Variants in ZFHX4 observed in about 807,000 individuals in gnomAD.
ZFHX4 encodes the protein zinc finger homeobox 4.
In ZFHX4, 56 loss-of-function variants were observed where a neutral mutation model predicts 267.6. The ratio of observed to expected loss-of-function variants is 0.21; its 90% CI spans 0.17 to 0.26. The LOEUF (loss-of-function observed/expected upper bound fraction) is 0.26, where lower values mean the gene tolerates loss of function less well. ZFHX4 is among the 10% of genes least tolerant of loss of function. The probability of loss-of-function intolerance (pLI) is 1.00; values close to 1 mark genes in which losing one functional copy is unlikely to be tolerated. For missense variants in ZFHX4, 4,332 were observed against 4,420.0 expected, an observed-to-expected ratio of 0.98 and a Z score of 0.56; for synonymous variants, 1,778 against 1,665.6, an observed-to-expected ratio of 1.07 and a Z score of -1.64.
At chr8:76,740,864 A>G (rs1809297430) in intron 3 of ZFHX4, among the ~76,000 whole-genome samples, 1 of 152,292 alleles carries the variant, frequency 6.6e-6, no homozygotes, top group African/African-American at 2.4e-5. Flanking sequence ...TTTGTAGCAC[A>G]TTTGTGTGTG....
chr8:76,849,046 A>G lies in ZFHX4; in HGVS notation c.3563A>G (p.Gln1188Arg). 1 of 1,564,982 alleles carries G rather than the reference A, an allele frequency of 6.4e-7. No homozygotes were observed. The highest frequency in any genetic ancestry group is 8.7e-7 in the Non-Finnish European group (1 of 1,154,198). The change falls in exon 7 of 11, where the codon CAG becomes CGG. Residue 1188 changes from glutamine to arginine, a missense_variant. Gln to Arg is a conservative substitution (Grantham distance 43, BLOSUM62 1). Transcript: ENST00000651372. ...AAAGTTAGTGTGGCAGGGGGTACCC[A>G]GCCACTCCTGCTGGCAAAAGAAGAG... ...ELKVSVAGGT[Q>R]PLLLAKEEDV...
intron 4 of ZFHX4, among the ~76,000 whole-genome samples, chr8:76,795,543 CTTTTT>C (rs1204209981): frequency 1.6e-5 from 2 of 125,332 alleles, no homozygotes; most frequent in African/African-American, 3.0e-5. Context: ...TGATCCAAGT[CTTTTT>C]TTTTTTTTTT....
chr8:76,791,497 T>C (rs1406610396), intron 4 of ZFHX4, among the ~76,000 whole-genome samples: 1 of 152,178 alleles, frequency 6.6e-6, no homozygotes, highest in African/African-American at 2.4e-5. Context: ...ATTAATATCA[T>C]ATTGGCATAC....
chr8:76,781,309 A>ATG (rs1310273473), intron 4 of ZFHX4, among the ~76,000 whole-genome samples: 2 of 152,086 alleles, frequency 1.3e-5, no homozygotes, highest in Non-Finnish European at 2.9e-5. Context: ...TATCTTTGTA[A>ATG]TGAGTACATT....
intron 1 of ZFHX4, among the ~76,000 whole-genome samples, chr8:76,696,153 G>T (rs1210175615): frequency 6.6e-6 from 1 of 152,150 alleles, no homozygotes; most frequent in Admixed American, 6.5e-5. Context: ...ATTGGGCCCA[G>T]ATAATTATTT....
chr8:76,755,436 A>G (rs978570855), intron 3 of ZFHX4, among the ~76,000 whole-genome samples: 1 of 152,148 alleles, frequency 6.6e-6, no homozygotes, highest in African/African-American at 2.4e-5. Flanking sequence ...CTTTTTGACT[A>G]TTAGTTAAGT....
Position 76,706,597 on chromosome 8 carries a change from G to C in ZFHX4, c.2509G>C (p.Glu837Gln), listed in dbSNP as rs771788395. The C allele has an allele frequency of 3.4e-5, 55 of 1,609,528 alleles. No homozygotes were observed. Among genetic ancestry groups the C allele is most frequent in the Non-Finnish European group, 4.6e-5 (54 of 1,178,244 alleles). ...QNIGLTGMKLENPADPQLMIN... is the reference protein window; with the variant it reads ...QNIGLTGMKLQNPADPQLMIN... ...CATAGGCCTGACCGGAATGAAGCTG[G>C]AAAACCCTGCCGACCCTCAGCTGAT... Residue 837 changes from glutamate (E) to glutamine (Q), a missense_variant, in exon 2 of 11, where the codon GAA becomes CAA. Physicochemically the swap from Glu to Gln is conservative, Grantham distance 29. Around this residue, in one of 7 missense-constraint regions of ZFHX4, gnomAD observed 1,195 missense variants for 1,173.6 expected, o/e 1.02. Coordinates refer to ENST00000651372, the MANE Select transcript of ZFHX4 (RefSeq NM_024721.5).
chr8:76,853,557 C>T lies in ZFHX4; in HGVS notation c.6636C>T (p.Pro2212=), dbSNP rs1688052418. Residue 2212 remains proline, a synonymous_variant, in exon 10 of 11, where the codon CCC becomes CCT. Transcript: ENST00000651372. The part of the protein sequence containing the change: ...VLEDIRIDPQ[P]TSLEHYKSDA... The stretch of plus-strand genomic sequence containing the variant: ...AAGATATCAGAATTGATCCACAGCC[C>T]ACCTCTTTAGAACATTACAAATCTG... 2 of 1,613,722 alleles carry T rather than the reference C, an allele frequency of 1.2e-6. No individual in the cohort carries two copies. The highest frequency in any genetic ancestry group is 1.7e-6 in the Non-Finnish European group (2 of 1,179,878).
chr8:76,799,996 T>C (rs1286804965), intron 4 of ZFHX4, among the ~76,000 whole-genome samples: 1 of 152,126 alleles, frequency 6.6e-6, no homozygotes, highest in Non-Finnish European at 1.5e-5. Flanking sequence ...GTAACACTGT[T>C]GCAGTTCGTC....
At position 76,704,299 on chromosome 8, in the gene ZFHX4, G is replaced by T. The variant is rs761315027; in HGVS notation, c.211G>T (p.Ala71Ser). Residue 71 changes from alanine to serine, a missense_variant, in exon 2 of 11, where the codon GCC becomes TCC. This residue lies in a region of ZFHX4 where 1,195 missense variants were observed against 1,173.6 expected (regional missense o/e 1.02). Coordinates refer to ENST00000651372, the MANE Select transcript of ZFHX4 (RefSeq NM_024721.5). ...GGGTTTCAGCGTTGAGAATGCAGCT[G>T]CCACTCAGGTTACCTCAGCAAAGGA... ...LLGFSVENAA[A>S]TQVTSAKEIP... The T allele has an allele frequency of 1.2e-6, 2 of 1,613,998 alleles. No homozygotes were observed. Among genetic ancestry groups the T allele is most frequent in the African/African-American group, 1.3e-5 (1 of 75,042 alleles).
intron 4 of ZFHX4, among the ~76,000 whole-genome samples, chr8:76,785,895 G>A (rs1810674848): frequency 6.6e-6 from 1 of 152,122 alleles, no homozygotes; most frequent in Non-Finnish European, 1.5e-5. Context: ...CTGGTTATCT[G>A]TTACCAGTAA....
chr8:76,791,715 T>G (rs1170116868), intron 4 of ZFHX4, among the ~76,000 whole-genome samples: 2 of 152,172 alleles, frequency 1.3e-5, no homozygotes, highest in Non-Finnish European at 2.9e-5. Flanking sequence ...ACCTAACATC[T>G]CAGAGATTCT....
At chr8:76,687,514 T>G (rs890647368) in intron 1 of ZFHX4, among the ~76,000 whole-genome samples, 1 of 152,186 alleles carries the variant, frequency 6.6e-6, no homozygotes, top group Non-Finnish European at 1.5e-5. Flanking sequence ...TAGACCAGAG[T>G]GAGTCTCATT....
intron 1 of ZFHX4, among the ~76,000 whole-genome samples, chr8:76,697,922 G>A (rs1477653589): frequency 6.6e-6 from 1 of 151,970 alleles, no homozygotes; most frequent in East Asian, 1.9e-4. Context: ...GCATTTGGAA[G>A]TACCTTTTTC....
intron 3 of ZFHX4, among the ~76,000 whole-genome samples, chr8:76,731,887 AT>A (rs1563489766): frequency 4.7e-5 from 7 of 149,454 alleles, no homozygotes; most frequent in African/African-American, 1.7e-4. Context: ...TATTATTATT[AT>A]TATTTTTGAG....
chr8:76,775,399 C>T (rs1411375911), intron 3 of ZFHX4, among the ~76,000 whole-genome samples: 1 of 152,168 alleles, frequency 6.6e-6, no homozygotes, highest in Non-Finnish European at 1.5e-5. Context: ...GTGGAGTTCT[C>T]TTTACAGAAA....
chr8:76,802,188 T>G (rs1811134005), intron 4 of ZFHX4, among the ~76,000 whole-genome samples: 1 of 152,168 alleles, frequency 6.6e-6, no homozygotes, highest in African/African-American at 2.4e-5. Flanking sequence ...GTAACACTCA[T>G]CTTCTTCAGG....
At chr8:76,737,756 T>A (rs762618588) in intron 3 of ZFHX4, among the ~76,000 whole-genome samples, 19 of 152,212 alleles carry the variant, frequency 1.2e-4, no homozygotes, top group Non-Finnish European at 2.5e-4. Context: ...TAAGCTATTA[T>A]ATGGAGACAA....
rs1296932857 is a variant in ZFHX4 at position 76,778,239 on chromosome 8, C to T, written c.3125C>T (p.Pro1042Leu). ...CAGAAGCAAGAGGGTGCAGTGAATC[C>T]CGAATCCTGCTATTACTACTGTGCC... ...HLQKQEGAVNPESCYYYCAVC... is the reference protein window; with the variant it reads ...HLQKQEGAVNLESCYYYCAVC... Residue 1042 changes from proline (P) to leucine (L), a missense_variant, in exon 4 of 11, where the codon CCC becomes CTC. By Grantham distance (98) the Pro-to-Leu change is moderately conservative. This residue lies in a region of ZFHX4 where 1,371 missense variants were observed against 1,423.1 expected (regional missense o/e 0.96). Transcript: ENST00000651372. 3 of 1,613,400 alleles carry T rather than the reference C, an allele frequency of 1.9e-6. No homozygotes were observed. The Admixed American group carries it at 5.0e-5, about 27-fold the overall frequency.
Sources: gnomAD v4.1 joint callset for allele counts (sites outside exome capture counted in the v4.1 genomes callset) on GRCh38, gnomAD v4.1.1 for gene constraint, gnomAD v4.1.1 regional missense constraint, MANE v1.5 for transcripts, NCBI Gene and HGNC (gene_info 2026-07-23, HGNC 2026-07-21) for gene names.